GRID1: variants seen among roughly 807,000 people sequenced by gnomAD.
GRID1 encodes glutamate ionotropic receptor delta type subunit 1.
A neutral mutation model predicts 98.0 loss-of-function variants in GRID1; 28 were observed. That is an observed-to-expected ratio of 0.29 (90% CI 0.21 to 0.39). The LOEUF (loss-of-function observed/expected upper bound fraction) is 0.39. GRID1 is among the 10% of genes least tolerant of loss of function. The pLI, the probability that GRID1 is intolerant of heterozygous loss-of-function variation, is 1.00. For missense variants in GRID1, 1,111 were observed against 1,340.5 expected (o/e 0.83, Z 2.67); for synonymous variants, 553 against 538.5 (o/e 1.03, Z -0.37).
intron 5 of GRID1, among the ~76,000 whole-genome samples, chr10:85,870,754 T>A (rs1027902508): frequency 6.6e-6 from 1 of 152,084 alleles, no homozygotes; most frequent in Non-Finnish European, 1.5e-5. Context: ...ACAGAGCAAC[T>A]GGTCCCCTGC....
At chr10:85,878,259 A>G (rs1840934114) in intron 5 of GRID1, among the ~76,000 whole-genome samples, 2 of 152,132 alleles carry the variant, frequency 1.3e-5, no homozygotes, top group African/African-American at 2.4e-5. Flanking sequence ...AGATTCAGGA[A>G]ATACAGAGAA....
chr10:85,645,299 T>C (rs1357508263), intron 13 of GRID1, among the ~76,000 whole-genome samples: 1 of 152,210 alleles, frequency 6.6e-6, no homozygotes. Context: ...AGGCCTCACA[T>C]GCACAAAAGG....
intron 4 of GRID1, among the ~76,000 whole-genome samples, chr10:85,994,530 C>T (rs1335226584): frequency 6.6e-6 from 1 of 152,226 alleles, no homozygotes; most frequent in Non-Finnish European, 1.5e-5. Context: ...AACCATAAAA[C>T]TGGCCAAACC....
intron 4 of GRID1, among the ~76,000 whole-genome samples, chr10:86,031,549 T>C (rs1337639928): frequency 1.3e-5 from 2 of 152,132 alleles, no homozygotes; most frequent in Non-Finnish European, 2.9e-5. Flanking sequence ...ATGTACCCTT[T>C]GAATCTAAAA....
At position 85,884,685 on chromosome 10, in the gene GRID1, C is replaced by T. The variant is rs182406878; in HGVS notation, c.781-15505G>A. ...TAAATCCTATTTCATCAGTACTGCT[C>T]ATTAAAGAGATCAGCCCTGTGAGAG... On this transcript the variant is annotated intron_variant, in intron 5 of 15. Transcript: ENST00000327946. 1.0e-3 allele frequency among the ~76,000 whole-genome samples: 158 copies of T among 152,220 alleles called. 1 individual carries two copies. Among genetic ancestry groups the T allele is most frequent in the African/African-American group, 3.5e-3 (144 of 41,538 alleles).
chr10:85,946,094 T>C (rs565618274), intron 4 of GRID1, among the ~76,000 whole-genome samples: 24 of 152,304 alleles, frequency 1.6e-4, no homozygotes, highest in Middle Eastern at 3.4e-3. Context: ...TCAAAGTTTG[T>C]TTTTTAATGA....
At chr10:85,621,287 G>A (rs1842856924) in intron 13 of GRID1, among the ~76,000 whole-genome samples, 1 of 152,150 alleles carries the variant, frequency 6.6e-6, no homozygotes, top group African/African-American at 2.4e-5. Flanking sequence ...CTTAGTGACA[G>A]CACTGAAACA....
intron 6 of GRID1, among the ~76,000 whole-genome samples, chr10:85,857,177 C>A: frequency 6.6e-6 from 1 of 152,316 alleles, no homozygotes; most frequent in Non-Finnish European, 1.5e-5. Flanking sequence ...TTGGGATTTG[C>A]AACTGTGCCC....
chr10:86,056,152 T>C (rs928629965), intron 4 of GRID1, among the ~76,000 whole-genome samples: 2 of 152,152 alleles, frequency 1.3e-5, no homozygotes, highest in African/African-American at 4.8e-5. Context: ...AGCCACACCC[T>C]TGGGGCTGCC....
intron 4 of GRID1, among the ~76,000 whole-genome samples, chr10:85,956,090 CCTGGGCAGCCTCA>C (rs1459870033): frequency 1.3e-5 from 2 of 152,214 alleles, no homozygotes; most frequent in African/African-American, 2.4e-5. Flanking sequence ...TGTCCAAGCC[CCTGGGCAGCCTCA>C]CTGGGCAGCC....
intron 2 of GRID1, among the ~76,000 whole-genome samples, chr10:86,261,898 C>T (rs1847021370): frequency 6.6e-6 from 1 of 152,216 alleles, no homozygotes; most frequent in South Asian, 2.1e-4. Context: ...GTATGTGCTC[C>T]ATAAGCATTT....
In GRID1 at chr10:85,674,194, C is replaced by T. The variant is rs1431284722; in HGVS notation, c.1998-26797G>A. 2.0e-5 allele frequency among the ~76,000 whole-genome samples: 3 copies of T among 152,150 alleles called. No individual in the cohort carries two copies. The East Asian group carries it at 5.8e-4, about 29-fold the overall frequency. On this transcript the variant is annotated intron_variant, in intron 12 of 15. Transcript: ENST00000327946. ...TTTTCTCTCTGGGCTTCTTCTTTGG[C>T]TTGTGTGCTGTGACTTGCCCAAGAG...
intron 8 of GRID1, among the ~76,000 whole-genome samples, chr10:85,800,670 A>G (rs901974441): frequency 6.6e-6 from 1 of 152,064 alleles, no homozygotes; most frequent in Non-Finnish European, 1.5e-5. Flanking sequence ...TCAAAAATAT[A>G]CAAGGAAGGA....
At chr10:85,892,856 C>G (rs937167000) in intron 5 of GRID1, among the ~76,000 whole-genome samples, 16 of 152,074 alleles carry the variant, frequency 1.1e-4, no homozygotes, top group Non-Finnish European at 2.4e-4. Context: ...CAACTCATGT[C>G]AGGAGGCCAT....
intron 3 of GRID1, among the ~76,000 whole-genome samples, chr10:86,183,050 A>G (rs1222281119): frequency 6.6e-6 from 1 of 152,216 alleles, no homozygotes; most frequent in Non-Finnish European, 1.5e-5. Context: ...TGACACATGC[A>G]TCACACAATC....
chr10:86,181,822 C>T (rs1185508010), intron 3 of GRID1, among the ~76,000 whole-genome samples: 1 of 152,110 alleles, frequency 6.6e-6, no homozygotes, highest in East Asian at 1.9e-4. Context: ...ATCTTGTTGG[C>T]TTTCTTAGTT....
At chr10:86,171,233 T>C (rs1845482672) in intron 3 of GRID1, among the ~76,000 whole-genome samples, 1 of 152,192 alleles carries the variant, frequency 6.6e-6, no homozygotes. Context: ...ATGGTTCTCA[T>C]CCTTCTCAAG....
At chr10:86,165,175 G>A (rs973912563) in intron 3 of GRID1, among the ~76,000 whole-genome samples, 17 of 152,186 alleles carry the variant, frequency 1.1e-4, no homozygotes, top group African/African-American at 4.1e-4. Flanking sequence ...ATCCTGGAGG[G>A]ATACTCGCAG....
chr10:85,601,033 T>C lies in GRID1; in HGVS notation c.*1240A>G, dbSNP rs41313469. ...GATTTATGACCCAGAGATAGGCCTT[T>C]ACTTTTGGGGCTACAAGCAACTTCC... On this transcript the variant is annotated 3_prime_UTR_variant, in exon 16 of 16. Coordinates refer to ENST00000327946, the MANE Select transcript of GRID1 (RefSeq NM_017551.3). 0.038 allele frequency: 5,794 copies of C among 152,400 alleles called. 202 individuals carry two copies. The highest frequency in any genetic ancestry group is 0.094 in the African/African-American group (3,901 of 41,556). The allele number at this position is 152,400 out of a possible 1,614,324, so 9.4% of individuals were successfully genotyped here. A position where few individuals can be genotyped will look rare whatever the true frequency, so the allele number is the denominator to read the frequency against.
Sources: allele counts gnomAD v4.1 joint callset (sites outside exome capture counted in the v4.1 genomes callset), GRCh38; gene constraint gnomAD v4.1.1; transcripts MANE v1.5; gene names NCBI Gene and HGNC (gene_info 2026-07-23, HGNC 2026-07-21).